RBFOX1: variants seen among roughly 807,000 people sequenced by gnomAD.
RBFOX1 encodes the protein RNA binding fox-1 homolog 1.
A neutral mutation model predicts 57.7 loss-of-function variants in RBFOX1; 8 were observed. That is an observed-to-expected ratio of 0.14 (90% confidence interval 0.08 to 0.25). The LOEUF is 0.25. Among genes scored for constraint, RBFOX1 ranks in the 10% least tolerant of loss-of-function variants. RBFOX1 has a pLI of 1.00. For missense variants in RBFOX1, 611 were observed against 548.5 expected (o/e 1.11, Z -1.14); for synonymous variants, 326 against 222.4 (o/e 1.47, Z -4.15).
At chr16:7,349,556 C>T (rs1000152502) in intron 4 of RBFOX1, among the ~76,000 whole-genome samples, 3 of 151,920 alleles carry the variant, frequency 2.0e-5, no homozygotes, top group African/African-American at 7.3e-5. Context: ...AGTAGCTTAC[C>T]AGTTAATACT....
At chr16:6,878,470 C>A (rs139095050) in intron 3 of RBFOX1, among the ~76,000 whole-genome samples, 1 of 152,174 alleles carries the variant, frequency 6.6e-6, no homozygotes, top group African/African-American at 2.4e-5. Context: ...TCTCTTACCA[C>A]CAAATCCATG....
At chr16:7,136,693 G>C (rs77872138) in intron 4 of RBFOX1, among the ~76,000 whole-genome samples, 3,759 of 151,984 alleles carry the variant, frequency 0.025, 153 homozygotes, top group African/African-American at 0.086. Flanking sequence ...TTGGGATTAC[G>C]GGTGTGAGTC....
At chr16:7,150,938 T>G (rs1275608282) in intron 4 of RBFOX1, among the ~76,000 whole-genome samples, 2 of 152,160 alleles carry the variant, frequency 1.3e-5, no homozygotes, top group Non-Finnish European at 2.9e-5. Context: ...AAACCTTAAT[T>G]TCTGAGCTGA....
At chr16:5,632,333 C>G (rs2048537677) in intron 3 of RBFOX1, 1 of 152,228 alleles carries the variant, frequency 6.6e-6, no homozygotes, top group African/African-American at 2.4e-5. Flanking sequence ...CTTGGGCAAG[C>G]CCTTTTACCT....
chr16:7,295,687 C>A (rs948428791), intron 4 of RBFOX1, among the ~76,000 whole-genome samples: 1 of 152,000 alleles, frequency 6.6e-6, no homozygotes. Flanking sequence ...GGGGAGTACA[C>A]CTTTTGCAGT....
intron 2 of RBFOX1, chr16:6,483,178 C>T (rs2095401313): frequency 2.7e-6 from 3 of 1,129,468 alleles, no homozygotes; most frequent in Non-Finnish European, 3.2e-6. Context: ...ATTTGGCGAG[C>T]GTTTTGGCGC....
intron 1 of RBFOX1, among the ~76,000 whole-genome samples, chr16:6,312,086 C>T (rs2080389795): frequency 6.6e-6 from 1 of 152,154 alleles, no homozygotes; most frequent in Non-Finnish European, 1.5e-5. Context: ...GGTACAAAAT[C>T]CCAACTTAGG....
chr16:6,846,716 G>C (rs955000423), intron 3 of RBFOX1, among the ~76,000 whole-genome samples: 2 of 152,138 alleles, frequency 1.3e-5, no homozygotes, highest in Non-Finnish European at 2.9e-5. Context: ...GGGAGAATAA[G>C]GCTGAGCTCT....
chr16:7,321,965 A>G (rs927368870), intron 4 of RBFOX1, among the ~76,000 whole-genome samples: 1 of 152,208 alleles, frequency 6.6e-6, no homozygotes, highest in Admixed American at 6.5e-5. Flanking sequence ...ACAGCTTGGC[A>G]CAGCTTGGTT....
chr16:5,386,671 C>G (rs78560879), intron 1 of RBFOX1, among the ~76,000 whole-genome samples: 13,632 of 152,168 alleles, frequency 0.09, 685 homozygotes, highest in South Asian at 0.15. Flanking sequence ...CGGCAGACTC[C>G]CACACATCCT....
At chr16:7,573,752 T>A (rs2093030658) in intron 5 of RBFOX1, among the ~76,000 whole-genome samples, 1 of 151,976 alleles carries the variant, frequency 6.6e-6, no homozygotes, top group African/African-American at 2.4e-5. Context: ...GGAAAATTGC[T>A]TGAACCCGGG....
chr16:5,663,653 C>A (rs997649603), intron 3 of RBFOX1, among the ~76,000 whole-genome samples: 10 of 152,148 alleles, frequency 6.6e-5, no homozygotes, highest in African/African-American at 1.9e-4. Context: ...GCTGTAAAGC[C>A]CCTACTTGGT....
chr16:6,758,047 AC>A (rs2076074566), intron 3 of RBFOX1, among the ~76,000 whole-genome samples: 1 of 152,196 alleles, frequency 6.6e-6, no homozygotes, highest in African/African-American at 2.4e-5. Context: ...GTCAGTCCAA[AC>A]TACTATCTTC....
chr16:7,395,446 T>C (rs2098124778), intron 4 of RBFOX1, among the ~76,000 whole-genome samples: 2 of 152,218 alleles, frequency 1.3e-5, no homozygotes, highest in Non-Finnish European at 2.9e-5. Flanking sequence ...GCCAGAAGTA[T>C]TGGGGAAGCT....
intron 4 of RBFOX1, among the ~76,000 whole-genome samples, chr16:7,409,233 C>G (rs552248119): frequency 2.6e-5 from 4 of 152,204 alleles, no homozygotes; most frequent in Admixed American, 1.3e-4. Context: ...GTGGTCTTAT[C>G]AGGCTGAGCC....
intron 5 of RBFOX1, among the ~76,000 whole-genome samples, chr16:7,575,630 G>C (rs1284445748): frequency 1.3e-5 from 2 of 152,088 alleles, no homozygotes; most frequent in Admixed American, 1.3e-4. Context: ...GGCCCTCCTG[G>C]CACCTTGATT....
chr16:7,448,028 C>T (rs114180035), intron 4 of RBFOX1, among the ~76,000 whole-genome samples: 1 of 152,178 alleles, frequency 6.6e-6, no homozygotes, highest in Non-Finnish European at 1.5e-5. Flanking sequence ...CTCCTTTCTT[C>T]TGAAGCATGT....
chr16:6,401,932 A>G (rs2093086230), intron 2 of RBFOX1, among the ~76,000 whole-genome samples: 6 of 151,902 alleles, frequency 3.9e-5, no homozygotes, highest in African/African-American at 1.5e-4. Flanking sequence ...ATGATGAGAG[A>G]AGAAAATACC....
chr16:7,509,943 C>A (rs1378925339), intron 4 of RBFOX1, among the ~76,000 whole-genome samples: 1 of 148,944 alleles, frequency 6.7e-6, no homozygotes, highest in Non-Finnish European at 1.5e-5. Context: ...TTTTAAACAG[C>A]TATTAATGTG....
Sources: gnomAD v4.1 joint callset for allele counts (sites outside exome capture counted in the v4.1 genomes callset) on GRCh38, gnomAD v4.1.1 for gene constraint, MANE v1.5 for transcripts, NCBI Gene and HGNC (gene_info 2026-07-23, HGNC 2026-07-21) for gene names.